Variants in SEMA4D observed in about 807,000 individuals in gnomAD.
SEMA4D encodes the protein semaphorin-4D.
Under a neutral mutation model 74.8 loss-of-function variants are expected in SEMA4D, and 22 were observed. The ratio of observed to expected loss-of-function variants is 0.29; its 90% confidence interval spans 0.21 to 0.42. The LOEUF is 0.42. Among genes scored for constraint, SEMA4D ranks in the 10% least tolerant of loss-of-function variants. The probability of loss-of-function intolerance (pLI) is 1.00; values close to 1 mark genes in which losing one functional copy is unlikely to be tolerated. For missense variants in SEMA4D, 937 were observed against 1,118.4 expected, an observed-to-expected ratio of 0.84 and a Z score of 2.31; for synonymous variants, 445 against 463.7, an observed-to-expected ratio of 0.96 and a Z score of 0.52.
chr9:89,460,937 G>C (rs544177907), intron 1 of SEMA4D, among the ~76,000 whole-genome samples: 1 of 152,188 alleles, frequency 6.6e-6, no homozygotes, highest in Non-Finnish European at 1.5e-5. Context: ...AAGGCGACCT[G>C]CTGTTCCCCA....
intron 1 of SEMA4D, among the ~76,000 whole-genome samples, chr9:89,485,810 A>G (rs11999925): frequency 0.21 from 22,230 of 107,746 alleles, 1,783 homozygotes; most frequent in East Asian, 0.28. Flanking sequence ...AAAAAAAAAA[A>G]AAAAGAAAAA....
At chr9:89,483,666 CA>C (rs1274473483) in intron 1 of SEMA4D, among the ~76,000 whole-genome samples, 41 of 150,192 alleles carry the variant, frequency 2.7e-4, no homozygotes, top group Admixed American at 6.6e-4. Context: ...ATAAAAATAT[CA>C]GGGGGTGTCA....
At chr9:89,370,722 T>A (rs1211250569) in intron 16 of SEMA4D, among the ~76,000 whole-genome samples, 1 of 148,246 alleles carries the variant, frequency 6.7e-6, no homozygotes, top group African/African-American at 2.5e-5. Context: ...GTCTATGTAG[T>A]TTGTGGGGTG....
At chr9:89,475,838 C>A (rs1861611225) in intron 1 of SEMA4D, among the ~76,000 whole-genome samples, 2 of 152,010 alleles carry the variant, frequency 1.3e-5, no homozygotes, top group South Asian at 4.1e-4. Flanking sequence ...TTTTTTTTCC[C>A]AGAAAAAGAA....
downstream of SEMA4D, among the ~76,000 whole-genome samples, chr9:89,373,943 C>T (rs556889020): frequency 1.6e-4 from 24 of 152,334 alleles, no homozygotes; most frequent in East Asian, 3.9e-3. Flanking sequence ...GGAGCCTACT[C>T]GGGAAATTCA....
chr9:89,431,583 G>A (rs1216810537), intron 2 of SEMA4D, among the ~76,000 whole-genome samples: 1 of 152,176 alleles, frequency 6.6e-6, no homozygotes, highest in Non-Finnish European at 1.5e-5. Flanking sequence ...CTGCAGCCTT[G>A]AGCTCCTGGG....
At chr9:89,446,785 G>A (rs1188322056) in intron 2 of SEMA4D, among the ~76,000 whole-genome samples, 1 of 152,102 alleles carries the variant, frequency 6.6e-6, no homozygotes, top group Non-Finnish European at 1.5e-5. Flanking sequence ...GGCGGGGGAG[G>A]ACAGTGACTC....
intron 1 of SEMA4D, chr9:89,497,477 G>A (rs934945344): frequency 6.6e-6 from 1 of 151,992 alleles, no homozygotes; most frequent in African/African-American, 2.4e-5. Context: ...TGGCCGGAGT[G>A]GGGCCTGACC....
At position 89,410,639 on chromosome 9, in the gene SEMA4D, G is replaced by A. The variant is rs1037421939; in HGVS notation, c.-243-4940C>T. ...TCCCACATGAACTGGCAGGAGCTCC[G>A]GGAAAAAAAATGAGGAATTATTAAA... On this transcript the variant is annotated intron_variant, in intron 2 of 15. Transcript: ENST00000422704. 2.0e-5 allele frequency among the ~76,000 whole-genome samples: 3 copies of A among 151,790 alleles called. No individual in the cohort carries two copies. In the South Asian group the frequency reaches 6.2e-4, roughly 32 times the overall value.
rs146720334 is a variant in SEMA4D, at chr9:89,382,382, C to T, written c.1447-1036G>A. On this transcript the variant is annotated intron_variant, in intron 13 of 15. Transcript: ENST00000422704. ...TAGTGGTTTACAGTCAGATGAAACA[C>T]GACCTTCATCCTCAGAGGATACGCT... 9.8e-4 allele frequency among the ~76,000 whole-genome samples: 150 copies of T among 152,346 alleles called. No homozygotes were observed. The Middle Eastern group carries it at 0.01, about 10-fold the overall frequency.
chr9:89,400,708 A>C (rs575352365), intron 4 of SEMA4D, among the ~76,000 whole-genome samples: 66 of 152,354 alleles, frequency 4.3e-4, no homozygotes, highest in African/African-American at 1.6e-3. Context: ...CATAAGGACA[A>C]GGGAACGTAC....
At chr9:89,402,803 A>G in intron 4 of SEMA4D, 68 bp downstream of exon 4, 1 of 1,540,386 alleles carries the variant, frequency 6.5e-7, no homozygotes, top group Non-Finnish European at 8.9e-7. Context: ...CCAGCCCCAC[A>G]GTGGGGCCAG....
intron 2 of SEMA4D, among the ~76,000 whole-genome samples, chr9:89,409,639 GC>G (rs1317905061): frequency 6.6e-6 from 1 of 152,152 alleles, no homozygotes; most frequent in African/African-American, 2.4e-5. Flanking sequence ...CACAAAAGCA[GC>G]CTCTGTGAGG....
At chr9:89,402,236 G>A (rs553516388) in intron 4 of SEMA4D, among the ~76,000 whole-genome samples, 68 of 152,340 alleles carry the variant, frequency 4.5e-4, no homozygotes, top group African/African-American at 1.4e-3. Flanking sequence ...AATGTGAAGA[G>A]TGGGACATGG....
intron 2 of SEMA4D, chr9:89,450,657 CAGGAAAAAAAA>C (rs1564832797): frequency 1.4e-5 from 3 of 221,914 alleles, no homozygotes; most frequent in Non-Finnish European, 1.3e-5. Context: ...TCGAAAAACC[CAGGAAAAAAAA>C]AAAAAAAAAA....
In SEMA4D at chr9:89,492,815, C is replaced by A. The variant is rs904740081; in HGVS notation, c.-310+5104G>T. On this transcript the variant is annotated intron_variant, in intron 1 of 15. Transcript: ENST00000422704. This position sits in a 1 kb window ranked among gnomAD's most constrained non-coding sequence, Gnocchi z 4.3. ...AGCTCCTGCAAGGCCCGCCCCGCAC[C>A]GCCCTCCTACCATTGCTCATGTGTG... Among the ~76,000 whole-genome samples the A allele has an allele frequency of 1.3e-5, 2 of 152,182 alleles. No homozygotes were observed. Among genetic ancestry groups the A allele is most frequent in the African/African-American group, 4.8e-5 (2 of 41,446 alleles).
intron 2 of SEMA4D, among the ~76,000 whole-genome samples, chr9:89,434,025 C>T (rs2134764040): frequency 6.6e-6 from 1 of 152,326 alleles, no homozygotes; most frequent in Middle Eastern, 3.4e-3. Context: ...GCACGGACTG[C>T]CCCGCTCTGG....
chr9:89,370,273 TG>T lies in SEMA4D; in HGVS notation c.1883-6324del, dbSNP rs1298988234. Among the ~76,000 whole-genome samples, 5 of 151,668 alleles carry T rather than the reference TG, an allele frequency of 3.3e-5. No individual in the cohort carries two copies. The East Asian group carries it at 5.8e-4, about 18-fold the overall frequency. ...TGCACATGGTGTGTGTGTTGTGTGG[TG>T]GACATGATTGTGTTTGTGATGTGTG... On this transcript the variant is annotated intron_variant, in intron 16 of 18. Coordinates refer to the SEMA4D transcript ENST00000339861.
chr9:89,489,605 G>A (rs529696142), intron 1 of SEMA4D, among the ~76,000 whole-genome samples: 1 of 152,308 alleles, frequency 6.6e-6, no homozygotes, highest in East Asian at 1.9e-4. Context: ...ACAATATGCA[G>A]CTATTAATCT....
Sources: allele counts gnomAD v4.1 joint callset (sites outside exome capture counted in the v4.1 genomes callset), GRCh38; gene constraint gnomAD v4.1.1; non-coding constraint Gnocchi (gnomAD v3.1); transcripts MANE v1.5; gene names NCBI Gene and HGNC (gene_info 2026-07-23, HGNC 2026-07-21).